TLR7: variants seen among roughly 807,000 people sequenced by gnomAD.
The protein encoded by TLR7 is toll-like receptor 7.
Under a neutral mutation model 38.3 loss-of-function variants are expected in TLR7, and 12 were observed. The ratio of observed to expected loss-of-function variants is 0.31; its 90% CI spans 0.20 to 0.51. The LOEUF (loss-of-function observed/expected upper bound fraction) is 0.51. TLR7 is among the 20% of genes least tolerant of loss of function. The pLI is 0.98. For missense variants in TLR7, 504 were observed against 743.4 expected (o/e 0.68, Z 3.74); for synonymous variants, 285 against 293.8 (o/e 0.97, Z 0.31).
At chrX:12,877,841 C>T (rs1005533912) in intron 2 of TLR7, among the ~76,000 whole-genome samples, 15 of 111,492 alleles carry the variant, frequency 1.3e-4, no homozygotes, top group Admixed American at 1.1e-3. Flanking sequence ...CTCCTTGTCA[C>T]CTTGTGAAAA....
At chrX:12,869,536 G>A (rs1243854246) in intron 2 of TLR7, among the ~76,000 whole-genome samples, 8 of 110,850 alleles carry the variant, frequency 7.2e-5, no homozygotes, top group African/African-American at 2.6e-4. Context: ...GAGCTGAACA[G>A]TGAGAACACA....
chrX:12,874,558 C>A (rs1476476091), intron 2 of TLR7, among the ~76,000 whole-genome samples: 1 of 110,881 alleles, frequency 9.0e-6, no homozygotes, highest in Non-Finnish European at 1.9e-5. Flanking sequence ...TCTACACCAA[C>A]CATTAGAGTC....
intron 2 of TLR7, among the ~76,000 whole-genome samples, chrX:12,872,107 T>C (rs2042855095): frequency 9.0e-6 from 1 of 111,480 alleles, no homozygotes; most frequent in Non-Finnish European, 1.9e-5. Flanking sequence ...TGGAGGACTC[T>C]CCATTTTCTC....
chrX:12,888,614 G>T lies in TLR7; in HGVS notation c.3106G>T (p.Asp1036Tyr). The T allele has an allele frequency of 8.3e-7, 1 of 1,211,002 alleles. No homozygotes were observed. Among genetic ancestry groups the T allele is most frequent in the South Asian group, 1.8e-5 (1 of 56,789 alleles). Residue 1036 changes from aspartate to tyrosine, a missense_variant, in exon 3 of 3, where the codon GAC becomes TAC. By Grantham distance (160) the Asp-to-Tyr change is radical. Coordinates refer to ENST00000380659, the MANE Select transcript of TLR7 (RefSeq NM_016562.4). ...WQCLKNALAT[D>Y]NHVAYSQVFK... ...GTGTCTAAAGAACGCCCTGGCCACA[G>T]ACAATCATGTGGCCTATAGTCAGGT...
intron 2 of TLR7, among the ~76,000 whole-genome samples, chrX:12,871,348 G>A (rs1388836345): frequency 8.9e-6 from 1 of 112,299 alleles, no homozygotes; most frequent in African/African-American, 3.2e-5. Context: ...TATTCACAGT[G>A]CTTGGTTATT....
intron 2 of TLR7, among the ~76,000 whole-genome samples, chrX:12,874,243 C>T (rs764738660): frequency 2.7e-5 from 3 of 110,926 alleles, no homozygotes; most frequent in East Asian, 5.6e-4. Flanking sequence ...TCACTTGAAC[C>T]GGGTAGGCAG....
At chrX:12,871,598 T>C (rs2042852961) in intron 2 of TLR7, among the ~76,000 whole-genome samples, 2 of 111,982 alleles carry the variant, frequency 1.8e-5, no homozygotes, top group African/African-American at 6.5e-5. Context: ...ACGTCTTGGC[T>C]CAAGCAACTC....
At chrX:12,868,622 C>T (rs1373769286) in intron 2 of TLR7, among the ~76,000 whole-genome samples, 4 of 111,679 alleles carry the variant, frequency 3.6e-5, no homozygotes, top group Non-Finnish European at 7.5e-5. Context: ...AAATAATAGA[C>T]TATTTTTCAA....
At position 12,885,537 on chromosome X, in the gene TLR7, G is replaced by A; in HGVS notation, c.29G>A (p.Arg10Lys). 26 of 1,205,292 alleles carry A rather than the reference G, an allele frequency of 2.2e-5. No homozygotes were observed. Among genetic ancestry groups the A allele is most frequent in the Non-Finnish European group, 2.9e-5 (26 of 890,430 alleles). Residue 10 changes from arginine to lysine, a missense_variant, in exon 3 of 3, where the codon AGA becomes AAA. Arg to Lys is a conservative substitution (Grantham distance 26, BLOSUM62 2). Transcript: ENST00000380659. ...GTGTTTCCAATGTGGACACTGAAGA[G>A]ACAAATTCTTATCCTTTTTAACATA... is the stretch of plus-strand genomic sequence containing the variant. MVFPMWTLK[R>K]QILILFNIIL...
At chrX:12,871,660 G>A (rs910781063) in intron 2 of TLR7, among the ~76,000 whole-genome samples, 12 of 111,531 alleles carry the variant, frequency 1.1e-4, no homozygotes, top group Non-Finnish European at 1.7e-4. Flanking sequence ...CAGGCAACTT[G>A]GCTTTTTTCT....
In TLR7 at chrX:12,886,456, C is replaced by G. The variant is rs201232148; in HGVS notation, c.948C>G (p.Leu316=). The part of the protein sequence containing the change: ...PPRWFKNINK[L]QELDLSQNFL... ...GATGGTTTAAGAACATCAACAAACT[C>G]CAGGAACTGGATCTGTCCCAAAACT... Residue 316 remains leucine, a synonymous_variant, in exon 3 of 3, where the codon CTC becomes CTG. Transcript: ENST00000380659. The G allele has an allele frequency of 5.0e-6, 6 of 1,210,363 alleles. No individual in the cohort carries two copies. The highest frequency in any genetic ancestry group is 5.6e-6 in the Non-Finnish European group (5 of 895,360).
rs772329520 is a variant in TLR7, at chrX:12,887,667, A to G, written c.2159A>G (p.Asn720Ser). The change falls in exon 3 of 3, where the codon AAC becomes AGC. Residue 720 changes from asparagine (N) to serine (S), a missense_variant. By Grantham distance (46) the Asn-to-Ser change is conservative. Coordinates refer to ENST00000380659, the MANE Select transcript of TLR7 (RefSeq NM_016562.4). ...ACCACTGTCCCTGAGAGATTATCCAACTGTTCCAGAAGCCTCAAGAATCTG... is the reference window on the plus strand; with the variant it reads ...ACCACTGTCCCTGAGAGATTATCCAGCTGTTCCAGAAGCCTCAAGAATCTG... ...QLTTVPERLS[N>S]CSRSLKNLIL... 26 of 1,209,604 alleles carry G rather than the reference A, an allele frequency of 2.1e-5. No individual in the cohort carries two copies. The Admixed American group carries it at 5.7e-4, about 26-fold the overall frequency.
chrX:12,885,773 G>A lies in TLR7; in HGVS notation c.265G>A (p.Asp89Asn). 8.3e-7 allele frequency: 1 copy of A among 1,211,867 alleles called. No homozygotes were observed. The highest frequency in any genetic ancestry group is 1.1e-6 in the Non-Finnish European group (1 of 895,551). Reference protein sequence around the residue: ...DISPASFHRLDHLVEIDFRCN... With the variant: ...DISPASFHRLNHLVEIDFRCN... ...CTCCCCAGCGTCCTTTCACAGACTG[G>A]ACCATCTGGTAGAGATCGATTTCAG... The change falls in exon 3 of 3, where the codon GAC (aspartate) becomes AAC (asparagine). Residue 89 changes from aspartate to asparagine, a missense_variant. Coordinates refer to ENST00000380659, the MANE Select transcript of TLR7 (RefSeq NM_016562.4).
At chrX:12,872,839 C>T (rs1466375470) in intron 2 of TLR7, among the ~76,000 whole-genome samples, 1 of 109,173 alleles carries the variant, frequency 9.2e-6, no homozygotes, top group Admixed American at 1.0e-4. Flanking sequence ...CAACTAGTCT[C>T]CCTGCTTTCA....
rs184835334 is a variant in TLR7, at chrX:12,888,148, G to A, written c.2640G>A (p.Gly880=). ...ATTTCTGTAAGGCCAAGATAAAGGG[G>A]TATCAGCGTCTAATATCACCAGACT... ...IYHFCKAKIK[G]YQRLISPDCC... is the part of the protein sequence containing the mutation. The change falls in exon 3 of 3, where the codon GGG becomes GGA. Residue 880 remains glycine (G), a synonymous_variant. Coordinates refer to ENST00000380659, the MANE Select transcript of TLR7 (RefSeq NM_016562.4). 17 of 1,210,265 alleles carry A rather than the reference G, an allele frequency of 1.4e-5. No homozygotes were observed. The African/African-American group carries it at 3.0e-4, about 21-fold the overall frequency.
At position 12,887,939 on chromosome X, in the gene TLR7, G is replaced by A. The variant is rs2042917079; in HGVS notation, c.2431G>A (p.Asp811Asn). 1 of 1,210,037 alleles carries A rather than the reference G, an allele frequency of 8.3e-7. No homozygotes were observed. Among genetic ancestry groups the A allele is most frequent in the South Asian group, 1.8e-5 (1 of 56,812 alleles). Residue 811 changes from aspartate (D) to asparagine (N), a missense_variant, in exon 3 of 3, where the codon GAT becomes AAT. Physicochemically the swap from Asp to Asn is conservative, Grantham distance 23. Transcript: ENST00000380659. ...GGTGACTATTCCTTACCTGGCCACA[G>A]ATGTGACTTGTGTGGGGCCAGGAGC... ...TEVTIPYLAT[D>N]VTCVGPGAHK...
chrX:12,878,554 AC>A (rs1433082935), intron 2 of TLR7, among the ~76,000 whole-genome samples: 1 of 112,171 alleles, frequency 8.9e-6, no homozygotes, highest in African/African-American at 3.2e-5. Flanking sequence ...CTCTATCTGT[AC>A]CCTTGAATAC....
intron 2 of TLR7, among the ~76,000 whole-genome samples, chrX:12,876,576 AAAC>A (rs1304941184): frequency 2.7e-5 from 3 of 112,211 alleles, no homozygotes; most frequent in Non-Finnish European, 3.8e-5. Context: ...GATGTAATAT[AAAC>A]AACAAGTCTG....
At position 12,885,591 on chromosome X, in the gene TLR7, G is replaced by C; in HGVS notation, c.83G>C (p.Arg28Thr). The C allele has an allele frequency of 5.8e-6, 7 of 1,211,475 alleles. No individual in the cohort carries two copies. Among genetic ancestry groups the C allele is most frequent in the Non-Finnish European group, 7.8e-6 (7 of 895,155 alleles). The change falls in exon 3 of 3, where the codon AGA becomes ACA. Residue 28 changes from arginine (R) to threonine (T), a missense_variant. By Grantham distance (71) the Arg-to-Thr change is moderately conservative. Coordinates refer to ENST00000380659, the MANE Select transcript of TLR7 (RefSeq NM_016562.4). The stretch of plus-strand genomic sequence containing the variant: ...CTAATTTCCAAACTCCTTGGGGCTA[G>C]ATGGTTTCCTAAAACTCTGCCCTGT... ...IILISKLLGA[R>T]WFPKTLPCDV... is the part of the protein sequence containing the mutation.
Sources: allele counts gnomAD v4.1 joint callset (sites outside exome capture counted in the v4.1 genomes callset), GRCh38; gene constraint gnomAD v4.1.1; transcripts MANE v1.5; gene names NCBI Gene and HGNC (gene_info 2026-07-23, HGNC 2026-07-21).